ATP6V1H: variants seen among roughly 807,000 people sequenced by gnomAD.
ATP6V1H encodes the protein V-type proton ATPase subunit H.
ATP6V1H carries 39 observed loss-of-function variants against 71.7 expected under a neutral mutation model. The ratio of observed to expected loss-of-function variants is 0.54; its 90% CI spans 0.42 to 0.71. The LOEUF is 0.71. Ranked by LOEUF, ATP6V1H falls within the 30% of genes least tolerant of loss-of-function variation. ATP6V1H has a pLI of 0.00. For missense variants in ATP6V1H, 509 were observed against 594.9 expected, an observed-to-expected ratio of 0.86 and a Z score of 1.50; for synonymous variants, 192 against 199.3, an observed-to-expected ratio of 0.96 and a Z score of 0.31.
intron 2 of ATP6V1H, among the ~76,000 whole-genome samples, chr8:53,834,550 C>T (rs923733202): frequency 4.6e-5 from 7 of 152,066 alleles, no homozygotes; most frequent in African/African-American, 7.2e-5. Flanking sequence ...CTCAGCCTCC[C>T]GAGTAGCTGG....
chr8:53,780,405 T>A (rs1355196797), intron 9 of ATP6V1H, among the ~76,000 whole-genome samples: 6 of 152,166 alleles, frequency 3.9e-5, no homozygotes, highest in African/African-American at 1.4e-4. Context: ...CATTGTGTCA[T>A]CTTGCTATAA....
At chr8:53,807,644 A>C (rs1585809868) in intron 7 of ATP6V1H, among the ~76,000 whole-genome samples, 1 of 152,196 alleles carries the variant, frequency 6.6e-6, no homozygotes, top group Admixed American at 6.5e-5. Context: ...GCTTGGAGGC[A>C]AGAACAGGAA....
intron 12 of ATP6V1H, among the ~76,000 whole-genome samples, chr8:53,748,073 G>A (rs898646607): frequency 2.0e-5 from 3 of 151,934 alleles, no homozygotes; most frequent in Admixed American, 1.3e-4. Context: ...CAGGAGAACC[G>A]CTTGAACCGA....
intron 12 of ATP6V1H, among the ~76,000 whole-genome samples, chr8:53,750,815 A>G (rs1807767217): frequency 6.6e-6 from 1 of 152,156 alleles, no homozygotes; most frequent in Admixed American, 6.5e-5. Flanking sequence ...ATCCCATGAT[A>G]ACAAAAAGAG....
At chr8:53,813,560 C>T (rs1810353780) in intron 6 of ATP6V1H, among the ~76,000 whole-genome samples, 1 of 152,114 alleles carries the variant, frequency 6.6e-6, no homozygotes, top group African/African-American at 2.4e-5. Flanking sequence ...ACCTTTTCAT[C>T]TCCAGAATCC....
chr8:53,831,961 AAAGG>A, intron 3 of ATP6V1H: 1 of 152,150 alleles, frequency 6.6e-6, no homozygotes, highest in Non-Finnish European at 1.5e-5. Flanking sequence ...AACAGAAAAA[AAAGG>A]AAGTAGCCAA....
chr8:53,737,577 C>T (rs1473991710), intron 13 of ATP6V1H, among the ~76,000 whole-genome samples: 8 of 152,178 alleles, frequency 5.3e-5, no homozygotes, highest in African/African-American at 1.4e-4. Flanking sequence ...GTGAGAGGTG[C>T]CTCTAGGAGA....
intron 9 of ATP6V1H, among the ~76,000 whole-genome samples, chr8:53,775,162 G>A (rs1319635163): frequency 6.6e-6 from 1 of 152,034 alleles, no homozygotes; most frequent in Non-Finnish European, 1.5e-5. Context: ...TTCGCGGTGA[G>A]TGTTACGGCT....
At chr8:53,725,496 T>A (rs545881830) in intron 13 of ATP6V1H, among the ~76,000 whole-genome samples, 1 of 150,574 alleles carries the variant, frequency 6.6e-6, no homozygotes, top group South Asian at 2.2e-4. Context: ...CTGTGGTTTG[T>A]CTAAGCACGC....
chr8:53,723,498 C>T (rs1806697951), intron 13 of ATP6V1H, among the ~76,000 whole-genome samples: 1 of 152,180 alleles, frequency 6.6e-6, no homozygotes, highest in Non-Finnish European at 1.5e-5. Flanking sequence ...TTTTACCCCT[C>T]GGTGGTTTTC....
At chr8:53,724,585 C>G (rs949603432) in intron 13 of ATP6V1H, among the ~76,000 whole-genome samples, 330 of 143,280 alleles carry the variant, frequency 2.3e-3, no homozygotes, top group Non-Finnish European at 3.6e-3. Flanking sequence ...CCTCCTCCCC[C>G]CTCCCCCTCC....
chr8:53,758,212 TTTCAAAAAA>T (rs1808141570), intron 11 of ATP6V1H, among the ~76,000 whole-genome samples: 1 of 152,220 alleles, frequency 6.6e-6, no homozygotes, highest in Non-Finnish European at 1.5e-5. Flanking sequence ...ATTTTGATAA[TTTCAAAAAA>T]TTACTTCTTT....
At chr8:53,781,504 G>T (rs1300683253) in intron 9 of ATP6V1H, among the ~76,000 whole-genome samples, 2 of 152,160 alleles carry the variant, frequency 1.3e-5, no homozygotes, top group Non-Finnish European at 2.9e-5. Context: ...TGTTCACTCT[G>T]GTGGTGGTTT....
chr8:53,733,184 C>T (rs1399093693), intron 13 of ATP6V1H, among the ~76,000 whole-genome samples: 1 of 152,222 alleles, frequency 6.6e-6, no homozygotes, highest in Non-Finnish European at 1.5e-5. Context: ...CCGCCAGCTG[C>T]TCATGTACTG....
At chr8:53,837,009 C>T (rs1811179575) in intron 2 of ATP6V1H, among the ~76,000 whole-genome samples, 1 of 152,036 alleles carries the variant, frequency 6.6e-6, no homozygotes, top group African/African-American at 2.4e-5. Context: ...GGCGAGGTGG[C>T]AGGTGCCTGT....
intron 4 of ATP6V1H, among the ~76,000 whole-genome samples, chr8:53,820,425 T>C (rs1474685079): frequency 4.6e-5 from 7 of 151,682 alleles, no homozygotes; most frequent in Non-Finnish European, 1.0e-4. Flanking sequence ...GCATACAATC[T>C]GCCCCCCACC....
At chr8:53,830,882 C>A (rs1229951388) in intron 3 of ATP6V1H, among the ~76,000 whole-genome samples, 2 of 152,164 alleles carry the variant, frequency 1.3e-5, no homozygotes, top group East Asian at 1.9e-4. Flanking sequence ...GAATCAGCTA[C>A]ATGTTCCATT....
chr8:53,727,735 A>C lies in ATP6V1H; in HGVS notation c.1392-11711T>G, dbSNP rs147079509. On this transcript the variant is annotated intron_variant, in intron 13 of 13. Transcript: ENST00000359530. ...CATCTTACTCCTGAACTCCAAACCTATATTTCCAGCTTTTGAATTTCTCCT... is the reference window on the plus strand; with the variant it reads ...CATCTTACTCCTGAACTCCAAACCTCTATTTCCAGCTTTTGAATTTCTCCT... Among the ~76,000 whole-genome samples the C allele has an allele frequency of 2.3e-3, 347 of 152,300 alleles. 2 individuals carry two copies. The highest frequency in any genetic ancestry group is 8.1e-3 in the African/African-American group (336 of 41,564).
intron 7 of ATP6V1H, among the ~76,000 whole-genome samples, chr8:53,807,421 G>A (rs200029726): frequency 1.3e-5 from 2 of 151,418 alleles, no homozygotes; most frequent in South Asian, 2.1e-4. Context: ...CCAACATGGC[G>A]AAACCCCCAT....
Sources: gnomAD v4.1 joint callset for allele counts (sites outside exome capture counted in the v4.1 genomes callset) on GRCh38, gnomAD v4.1.1 for gene constraint, MANE v1.5 for transcripts, NCBI Gene and HGNC (gene_info 2026-07-23, HGNC 2026-07-21) for gene names.